The following ZNF487 variants were observed in gnomAD, a reference collection of about 807,000 sequenced individuals.
ZNF487 encodes KRAB domain only 1.
ZNF487 carries 4 observed loss-of-function variants against 3.0 expected under a neutral mutation model. The ratio of observed to expected loss-of-function variants is 1.35; its 90% CI spans 0.66 to 3.08. ZNF487 has a LOEUF of 3.08. ZNF487 is among the 30% of genes most tolerant of loss of function. ZNF487 has a pLI of 0.01. For missense variants in ZNF487, 146 were observed against 98.7 expected, an observed-to-expected ratio of 1.48 and a Z score of -2.03; for synonymous variants, 55 against 34.6, an observed-to-expected ratio of 1.59 and a Z score of -2.06.
chr10:43,492,866 T>G, the ZNF487 span, among the ~76,000 whole-genome samples: 6 of 152,210 alleles, frequency 3.9e-5, no homozygotes, highest in African/African-American at 1.4e-4. Context: ...CAAGAGCAGC[T>G]ACAGTTTACT....
At chr10:43,501,577 T>G in the ZNF487 span, among the ~76,000 whole-genome samples, 4 of 150,216 alleles carry the variant, frequency 2.7e-5, no homozygotes, top group South Asian at 8.5e-4. Context: ...CCATCTCTAC[T>G]GAAAATACAA....
At chr10:43,474,272 G>A (rs938632177) in intron 1 of ZNF487, among the ~76,000 whole-genome samples, 1 of 151,916 alleles carries the variant, frequency 6.6e-6, no homozygotes, top group Non-Finnish European at 1.5e-5. Flanking sequence ...TGACCAACAT[G>A]ATGAAACCCT....
At chr10:43,471,535 G>C (rs1012349222) in intron 1 of ZNF487, among the ~76,000 whole-genome samples, 1 of 152,294 alleles carries the variant, frequency 6.6e-6, no homozygotes, top group Middle Eastern at 3.4e-3. Context: ...CTGAGCTTTT[G>C]TCTGGTGTCC....
rs59265213 is a variant in ZNF487 at position 43,482,527 on chromosome 10, A to G, written c.*605A>G. ...AATGAATGTGGAAAAAACTTCTGTG[A>G]GAAGTCAAATCTTCATGTACATCAG... On this transcript the variant is annotated 3_prime_UTR_variant, in exon 4 of 4. Coordinates refer to ENST00000437590, the MANE Select transcript of ZNF487 (RefSeq NM_001355444.3). 0.013 allele frequency: 6,428 copies of G among 492,976 alleles called. 336 individuals carry two copies. Among genetic ancestry groups the G allele is most frequent in the African/African-American group, 0.11 (5,833 of 51,028 alleles). 30.5% of individuals were successfully genotyped at this position (492,976 alleles called of 1,614,324 possible).
chr10:43,507,883 G>C, the ZNF487 span, among the ~76,000 whole-genome samples: 3 of 152,224 alleles, frequency 2.0e-5, no homozygotes, highest in Non-Finnish European at 4.4e-5. Flanking sequence ...ATGGAAAGCT[G>C]CAACTTATTG....
chr10:43,447,594 C>T (rs996425251), intron 1 of ZNF487, among the ~76,000 whole-genome samples: 1 of 152,184 alleles, frequency 6.6e-6, no homozygotes, highest in Non-Finnish European at 1.5e-5. Flanking sequence ...CTATTCCATG[C>T]CCTGTGTGAG....
the ZNF487 span, among the ~76,000 whole-genome samples, chr10:43,493,694 AG>A: frequency 0.79 from 72,874 of 92,532 alleles, 30,466 homozygotes; most frequent in East Asian, 0.86. Context: ...CCTCAAAAAA[AG>A]AAAAAAAAAA....
At chr10:43,471,026 G>A (rs1386485563) in intron 1 of ZNF487, among the ~76,000 whole-genome samples, 1 of 152,084 alleles carries the variant, frequency 6.6e-6, no homozygotes, top group Non-Finnish European at 1.5e-5. Context: ...GTTTCACCAT[G>A]TTGCCGACCT....
chr10:43,487,732 G>GT (rs1841482288), downstream of ZNF487, among the ~76,000 whole-genome samples: 1 of 151,824 alleles, frequency 6.6e-6, no homozygotes, highest in Non-Finnish European at 1.5e-5. Context: ...GATTACAGGC[G>GT]TGAGTCACTG....
the ZNF487 span, among the ~76,000 whole-genome samples, chr10:43,504,337 G>A: frequency 1.0e-4 from 12 of 119,462 alleles, no homozygotes; most frequent in Non-Finnish European, 1.8e-4. Flanking sequence ...ACTGTTGCCC[G>A]AGCTGGAGTG....
downstream of ZNF487, among the ~76,000 whole-genome samples, chr10:43,485,747 G>A (rs1203967591): frequency 1.3e-5 from 2 of 152,192 alleles, no homozygotes; most frequent in Non-Finnish European, 2.9e-5. Flanking sequence ...GTGCTTAGTT[G>A]CCACATGTGG....
chr10:43,459,798 A>ATTATTATT (rs1840357295), intron 1 of ZNF487, among the ~76,000 whole-genome samples: 1 of 145,998 alleles, frequency 6.8e-6, no homozygotes, highest in South Asian at 2.1e-4. Context: ...TATTATTATT[A>ATTATTATT]TTATTATTAT....
chr10:43,466,550 G>A (rs183167820), intron 1 of ZNF487, among the ~76,000 whole-genome samples: 88 of 149,814 alleles, frequency 5.9e-4, no homozygotes, highest in African/African-American at 2.1e-3. Flanking sequence ...TTACAGGTGC[G>A]CACCACCACA....
chr10:43,504,293 C>CTTTTT, the ZNF487 span, among the ~76,000 whole-genome samples: 564 of 108,890 alleles, frequency 5.2e-3, 1 homozygote, highest in East Asian at 7.0e-3. Context: ...TTCTTTCTTT[C>CTTTTT]TTTTTTTTTT....
the ZNF487 span, among the ~76,000 whole-genome samples, chr10:43,518,356 C>T: frequency 0.21 from 31,600 of 151,954 alleles, 5,482 homozygotes; most frequent in African/African-American, 0.47. Context: ...ATGGATACCC[C>T]GCCGTGTATC....
At chr10:43,443,061 CT>C (rs34420531) in intron 1 of ZNF487, among the ~76,000 whole-genome samples, 36 of 119,886 alleles carry the variant, frequency 3.0e-4, no homozygotes, top group African/African-American at 3.2e-4. Context: ...CTCGTTCTAG[CT>C]TTTTTTTTTT....
chr10:43,436,992 G>A (rs1012877165), upstream of ZNF487: 4 of 420,460 alleles, frequency 9.5e-6, no homozygotes, highest in African/African-American at 2.2e-5. Context: ...GATGCCCGTG[G>A]CATAGGGCCG....
the ZNF487 span, among the ~76,000 whole-genome samples, chr10:43,512,701 G>A: frequency 6.6e-6 from 1 of 152,164 alleles, no homozygotes; most frequent in Non-Finnish European, 1.5e-5. Context: ...GGCTCAAGTG[G>A]CAGAGCAGCT....
chr10:43,518,387 C>A, the ZNF487 span, among the ~76,000 whole-genome samples: 52 of 152,296 alleles, frequency 3.4e-4, 1 homozygote, highest in Middle Eastern at 3.4e-3. Context: ...CAGACATTGA[C>A]TGAATTTATG....
Sources: allele counts gnomAD v4.1 joint callset (sites outside exome capture counted in the v4.1 genomes callset), GRCh38; gene constraint gnomAD v4.1.1; transcripts MANE v1.5; gene names NCBI Gene and HGNC (gene_info 2026-07-23, HGNC 2026-07-21).